The following SFMBT2 variants were observed in gnomAD, a reference collection of about 807,000 sequenced individuals.
SFMBT2 encodes the protein Scm like with four mbt domains 2, also known as scm-like with four MBT domains protein 2.
In SFMBT2, 38 loss-of-function variants were observed where a neutral mutation model predicts 110.1. The observed-to-expected ratio is 0.35, with a 90% CI of 0.27 to 0.45. The LOEUF (loss-of-function observed/expected upper bound fraction) is 0.45, where lower values mean the gene tolerates loss of function less well. Ranked by LOEUF, SFMBT2 falls within the 20% of genes least tolerant of loss-of-function variation. The pLI is 1.00. For synonymous variants in SFMBT2, 425 were observed against 425.4 expected (o/e 1.00, Z 0.01); for missense variants, 1,011 against 1,094.9 (o/e 0.92, Z 1.08).
At chr10:7,245,363 C>T (rs1217035216) in intron 8 of SFMBT2, among the ~76,000 whole-genome samples, 1 of 152,172 alleles carries the variant, frequency 6.6e-6, no homozygotes, top group Non-Finnish European at 1.5e-5. Flanking sequence ...CACATACACA[C>T]ACATACGTAT....
intron 11 of SFMBT2, among the ~76,000 whole-genome samples, chr10:7,213,033 G>A (rs576480321): frequency 4.0e-5 from 6 of 151,746 alleles, no homozygotes; most frequent in Non-Finnish European, 8.8e-5. Context: ...TGAACAATGA[G>A]AACATATGGA....
intron 8 of SFMBT2, chr10:7,246,182 T>C (rs1840602783): frequency 1.0e-6 from 1 of 984,804 alleles, no homozygotes; most frequent in Non-Finnish European, 1.2e-6. Flanking sequence ...TTATCTTTGC[T>C]ACAAAGGGTA....
intron 4 of SFMBT2, among the ~76,000 whole-genome samples, chr10:7,335,507 A>G (rs1278697766): frequency 6.6e-6 from 1 of 151,946 alleles, no homozygotes; most frequent in Non-Finnish European, 1.5e-5. Context: ...GCAGACCACC[A>G]CAATTAAAAC....
intron 7 of SFMBT2, among the ~76,000 whole-genome samples, chr10:7,261,171 G>A (rs1057475177): frequency 6.6e-6 from 1 of 152,190 alleles, no homozygotes; most frequent in Non-Finnish European, 1.5e-5. Context: ...TCTGCAGCCC[G>A]TGGGTGCGAA....
intron 9 of SFMBT2, among the ~76,000 whole-genome samples, chr10:7,230,657 G>A (rs547296938): frequency 2.0e-4 from 31 of 152,306 alleles, no homozygotes; most frequent in Non-Finnish European, 4.4e-4. Flanking sequence ...AAGCGTCTGG[G>A]TGCGGTGGCT....
At position 7,367,717 on chromosome 10, in the gene SFMBT2, A is replaced by G. The variant is rs1844950930; in HGVS notation, c.368T>C (p.Val123Ala). ...CACGGGGTGCAAATCCGCGATGACT[A>G]CGTCACACCAGAAGTCGGCCCTGCG... ...EDRRADFWCD[V>A]VIADLHPVGW... is the part of the protein sequence containing the mutation. The change falls in exon 4 of 21, where the codon GTA becomes GCA. Residue 123 changes from valine to alanine, a missense_variant. Coordinates refer to ENST00000397167, the MANE Select transcript of SFMBT2 (RefSeq NM_001387889.1). This position sits in a 1 kb window ranked among gnomAD's most constrained non-coding sequence, Gnocchi z 6.2. 6.2e-7 allele frequency: 1 copy of G among 1,613,924 alleles called. No individual in the cohort carries two copies. Among genetic ancestry groups the G allele is most frequent in the Non-Finnish European group, 8.5e-7 (1 of 1,180,044 alleles).
intron 10 of SFMBT2, among the ~76,000 whole-genome samples, chr10:7,226,045 C>T (rs955141605): frequency 9.9e-5 from 15 of 152,202 alleles, no homozygotes; most frequent in Non-Finnish European, 4.4e-5. Flanking sequence ...ACACACACCA[C>T]TCGGTTCTTC....
rs551375115 is a variant in SFMBT2, at chr10:7,163,760, G to A, written c.*10C>T. Reference sequence around the variant, plus strand: ...TCCCAGCAATAATGGGCCACCTCCCGAGGGCAGACTCAGTTGGCGTACTGG... The same window carrying A: ...TCCCAGCAATAATGGGCCACCTCCCAAGGGCAGACTCAGTTGGCGTACTGG... On this transcript the variant is annotated 3_prime_UTR_variant, in exon 21 of 21. Coordinates refer to ENST00000397167, the MANE Select transcript of SFMBT2 (RefSeq NM_001387889.1). The surrounding 1 kb of genome is among the most constrained non-coding windows in gnomAD (Gnocchi z 4.8). The A allele has an allele frequency of 1.2e-4, 191 of 1,612,720 alleles. 6 individuals are homozygous for A. The South Asian group carries it at 2.0e-3, about 17-fold the overall frequency.
chr10:7,202,707 C>G (rs960085541), intron 12 of SFMBT2, 185 bp from the exon 13 acceptor site: 1 of 985,252 alleles, frequency 1.0e-6, no homozygotes, highest in African/African-American at 1.7e-5. Flanking sequence ...CGTTAACTCA[C>G]CAGATGTCAG....
chr10:7,403,242 A>G (rs986615332), intron 1 of SFMBT2, among the ~76,000 whole-genome samples: 1 of 152,228 alleles, frequency 6.6e-6, no homozygotes, highest in African/African-American at 2.4e-5. Flanking sequence ...CACAAACCCT[A>G]TTAGAATGAC....
At chr10:7,209,633 A>G (rs1033174036) in intron 11 of SFMBT2, among the ~76,000 whole-genome samples, 1 of 152,252 alleles carries the variant, frequency 6.6e-6, no homozygotes, top group African/African-American at 2.4e-5. Flanking sequence ...AACACTGTGC[A>G]TATATAGTAT....
chr10:7,194,453 A>C (rs543076651), intron 15 of SFMBT2, among the ~76,000 whole-genome samples: 37 of 152,174 alleles, frequency 2.4e-4, no homozygotes, highest in Non-Finnish European at 4.7e-4. Flanking sequence ...CCACACCCCG[A>C]GACGTCTATT....
At chr10:7,385,811 A>T (rs1471217661) in intron 1 of SFMBT2, among the ~76,000 whole-genome samples, 2 of 152,076 alleles carry the variant, frequency 1.3e-5, no homozygotes. Flanking sequence ...CATCCTGGCT[A>T]ACACGGTGAA....
intron 7 of SFMBT2, among the ~76,000 whole-genome samples, chr10:7,271,023 G>C (rs1019390121): frequency 6.6e-6 from 1 of 152,066 alleles, no homozygotes. Context: ...GGTGGCTCAC[G>C]CCTATAAATC....
At chr10:7,348,479 T>A in intron 4 of SFMBT2, 1 of 547,212 alleles carries the variant, frequency 1.8e-6, no homozygotes. Context: ...TCAACTCTAC[T>A]TAACAGCTCT....
intron 7 of SFMBT2, chr10:7,263,994 T>C (rs751790772): frequency 6.9e-5 from 16 of 231,778 alleles, no homozygotes; most frequent in African/African-American, 1.6e-4. Context: ...AGGTACATCA[T>C]TGAAAGCTAA....
In SFMBT2 at chr10:7,296,945, C is replaced by T. The variant is rs545113216; in HGVS notation, c.437-10991G>A. 5.1e-4 allele frequency among the ~76,000 whole-genome samples: 77 copies of T among 152,322 alleles called. No individual in the cohort carries two copies. In the South Asian group the frequency reaches 5.4e-3, roughly 11 times the overall value. On this transcript the variant is annotated intron_variant, in intron 4 of 20. Transcript: ENST00000397167. ...CGGCTCTTCCTGGGTCTAAAGCAGA[C>T]GGCCTTGGACTGGAACTGCAACTCT...
chr10:7,205,950 CAA>C (rs773889921), intron 11 of SFMBT2, 22 bp from the exon 12 acceptor site: 2 of 1,613,042 alleles, frequency 1.2e-6, no homozygotes, highest in Non-Finnish European at 1.7e-6. Context: ...GAAGTTGAAA[CAA>C]GAGGTACAAA....
Position 7,377,584 on chromosome 10 carries a change from G to A in SFMBT2, c.100+4215C>T, listed in dbSNP as rs143464980. ...CCATCTGGGGGTGATGGGAGACAGT[G>A]ACAGATCATCAGGCATTAGATTCTC... On this transcript the variant is annotated intron_variant, in intron 2 of 20. Transcript: ENST00000397167. Among the ~76,000 whole-genome samples, 119 of 152,288 alleles carry A rather than the reference G, an allele frequency of 7.8e-4. 1 individual carries two copies. The highest frequency in any genetic ancestry group is 2.8e-3 in the African/African-American group (117 of 41,562).
Sources: gnomAD v4.1 joint callset for allele counts (sites outside exome capture counted in the v4.1 genomes callset) on GRCh38, gnomAD v4.1.1 for gene constraint, Gnocchi (gnomAD v3.1) non-coding constraint, MANE v1.5 for transcripts, NCBI Gene and HGNC (gene_info 2026-07-23, HGNC 2026-07-21) for gene names.